The following PUS7L variants were observed in gnomAD, a reference collection of about 807,000 sequenced individuals.
The protein encoded by PUS7L is pseudouridylate synthase PUS7L.
In PUS7L, 49 loss-of-function variants were observed where a neutral mutation model predicts 51.1. That is an observed-to-expected ratio of 0.96 (90% CI 0.76 to 1.22). The LOEUF is 1.22. Ranked by LOEUF, PUS7L falls within the 50% of genes most tolerant of loss-of-function variation. The probability of loss-of-function intolerance (pLI) is 0.00; values close to 1 mark genes in which losing one functional copy is unlikely to be tolerated. For synonymous variants in PUS7L, 277 were observed against 276.2 expected, an observed-to-expected ratio of 1.00 and a Z score of -0.03; for missense variants, 828 against 820.6, an observed-to-expected ratio of 1.01 and a Z score of -0.11.
Position 43,729,263 on chromosome 12 carries a change from G to A in PUS7L, c.*1113C>T. 1 of 397,516 alleles carries A rather than the reference G, an allele frequency of 2.5e-6. No homozygotes were observed. The highest frequency in any genetic ancestry group is 4.4e-5 in the Admixed American group (1 of 22,682). The allele number at this position is 397,516 out of a possible 1,614,324, so 24.6% of individuals were successfully genotyped here. On this transcript the variant is annotated 3_prime_UTR_variant, in exon 9 of 9. Coordinates refer to ENST00000344862, the MANE Select transcript of PUS7L (RefSeq NM_031292.5). ...CATATAGCTTCTCTTCCTTCTTTTGGATTTTATTTCCTAATGCTAACATTT... is the reference window on the plus strand; with the variant it reads ...CATATAGCTTCTCTTCCTTCTTTTGAATTTTATTTCCTAATGCTAACATTT...
chr12:43,738,510 C>T (rs1445714277), intron 5 of PUS7L, 119 bp from the exon 6 acceptor site: 2 of 613,496 alleles, frequency 3.3e-6, no homozygotes, highest in Non-Finnish European at 5.7e-6. Context: ...ATACTTGATG[C>T]TGCAATTTTC....
rs1938600163 is a variant in PUS7L at position 43,754,535 on chromosome 12, T to C, written c.711A>G (p.Thr237=). 1 of 1,612,174 alleles carries C rather than the reference T, an allele frequency of 6.2e-7. No homozygotes were observed. The highest frequency in any genetic ancestry group is 8.5e-7 in the Non-Finnish European group (1 of 1,179,356). ...GGACAGCTTTTCTGTGGTCTTTGTT[T>C]GTATCAGGTTTAAAGGTAAATTTGG... The part of the protein sequence containing the change: ...ENSKFTFKPD[T]NKDHRKAVHH... Residue 237 remains threonine (T), a synonymous_variant, in exon 2 of 9, where the codon ACA becomes ACG. Transcript: ENST00000344862.
chr12:43,735,548 A>G (rs1944665712), intron 7 of PUS7L, among the ~76,000 whole-genome samples: 1 of 151,894 alleles, frequency 6.6e-6, no homozygotes, highest in Non-Finnish European at 1.5e-5. Context: ...ACCATTATAA[A>G]AATCATATTC....
chr12:43,735,904 G>A (rs1386923299), intron 7 of PUS7L, among the ~76,000 whole-genome samples: 1 of 152,114 alleles, frequency 6.6e-6, no homozygotes, highest in African/African-American at 2.4e-5. Flanking sequence ...AGCCTCCTGA[G>A]TAGCTGGGAT....
intron 2 of PUS7L, among the ~76,000 whole-genome samples, chr12:43,753,885 G>A (rs897771819): frequency 6.6e-6 from 1 of 151,978 alleles, no homozygotes; most frequent in African/African-American, 2.4e-5. Flanking sequence ...CCCTACCTTG[G>A]GTAGGGAAAT....
Position 43,746,128 on chromosome 12 carries a change from A to G in PUS7L, c.1181T>C (p.Ile394Thr). The G allele has an allele frequency of 6.6e-7, 1 of 1,511,826 alleles. No homozygotes were observed. The highest frequency in any genetic ancestry group is 9.2e-7 in the Non-Finnish European group (1 of 1,090,404). The allele number at this position is 1,511,826 out of a possible 1,614,324, so 93.7% of individuals were successfully genotyped here. A position where few individuals can be genotyped will look rare whatever the true frequency, so the allele number is the denominator to read the frequency against. The change falls in exon 4 of 9, where the codon ATT (isoleucine) becomes ACT (threonine). Residue 394 changes from isoleucine to threonine, a missense_variant. Transcript: ENST00000344862. ...TTGTTTTTTTAAATTTCTAATGACA[A>G]TATCAAAGTGATTTCCTTTGAGCTG... ...LGQLKGNHFD[I>T]VIRNLKKQIN...
Position 43,722,652 on chromosome 12 carries a change from T to C in PUS7L, c.*7724A>G, listed in dbSNP as rs1011727769. On this transcript the variant is annotated 3_prime_UTR_variant, in exon 9 of 9. Transcript: ENST00000344862. ...TTATAACCTATCATTCATTTTATTA[T>C]AATGGAATTATAAAGGTTATAGAAA... The C allele has an allele frequency of 3.3e-5, 5 of 152,300 alleles. No homozygotes were observed. Among genetic ancestry groups the C allele is most frequent in the East Asian group, 1.9e-4 (1 of 5,190 alleles). 9.4% of individuals were successfully genotyped at this position (152,300 alleles called of 1,614,324 possible). A position where few individuals can be genotyped will look rare whatever the true frequency, so the allele number is the denominator to read the frequency against.
Position 43,721,075 on chromosome 12 carries a change from T to C in PUS7L, c.*9301A>G, listed in dbSNP as rs946631082. 4 of 152,290 alleles carry C rather than the reference T, an allele frequency of 2.6e-5. No homozygotes were observed. Among genetic ancestry groups the C allele is most frequent in the African/African-American group, 9.6e-5 (4 of 41,564 alleles). 9.4% of individuals were successfully genotyped at this position (152,290 alleles called of 1,614,324 possible). A position where few individuals can be genotyped will look rare whatever the true frequency, so the allele number is the denominator to read the frequency against. On this transcript the variant is annotated 3_prime_UTR_variant, in exon 9 of 9. Transcript: ENST00000344862. ...GTGAATTTTCCCCAACTTTCCTTAA[T>C]GTCATAAAGTTTTAGAAATATGCAG...
At chr12:43,739,897 A>G (rs1937809269) in intron 5 of PUS7L, 1 of 152,188 alleles carries the variant, frequency 6.6e-6, no homozygotes, top group Admixed American at 6.5e-5. Flanking sequence ...CAATTGACAG[A>G]CAACCTAGAG....
chr12:43,748,580 T>A lies in PUS7L; in HGVS notation c.940A>T (p.Met314Leu), dbSNP rs533455494. The A allele has an allele frequency of 2.8e-5, 45 of 1,589,232 alleles. No homozygotes were observed. The highest frequency in any genetic ancestry group is 3.7e-5 in the Non-Finnish European group (43 of 1,174,030). ...GCTAAAAAACCAATCGCTTCAAACATTTCCAGGTTTTCCTTTCGTAGGGTA... is the reference window on the plus strand; with the variant it reads ...GCTAAAAAACCAATCGCTTCAAACAATTCCAGGTTTTCCTTTCGTAGGGTA... ...AFTLRKENLEMFEAIGFLAIK... is the reference protein window; with the variant it reads ...AFTLRKENLELFEAIGFLAIK... Residue 314 changes from methionine (M) to leucine (L), a missense_variant, in exon 3 of 9, where the codon ATG becomes TTG. Transcript: ENST00000344862.
Position 43,719,530 on chromosome 12 carries a change from A to G in PUS7L, c.*10846T>C, listed in dbSNP as rs914126588. On this transcript the variant is annotated 3_prime_UTR_variant, in exon 9 of 9. Coordinates refer to ENST00000344862, the MANE Select transcript of PUS7L (RefSeq NM_031292.5). The stretch of plus-strand genomic sequence containing the variant: ...TCTTTATTTTTTCTAATCTCAGGAA[A>G]GTTTGTGTAGACTTGAATTATTATT... The G allele has an allele frequency of 6.6e-6, 1 of 152,124 alleles. No homozygotes were observed. Among genetic ancestry groups the G allele is most frequent in the African/African-American group, 2.4e-5 (1 of 41,424 alleles). 9.4% of individuals were successfully genotyped at this position (152,124 alleles called of 1,614,324 possible).
At chr12:43,744,183 A>AAGTAGAATTT (rs1401530926) in intron 4 of PUS7L, among the ~76,000 whole-genome samples, 1 of 152,248 alleles carries the variant, frequency 6.6e-6, no homozygotes, top group African/African-American at 2.4e-5. Context: ...GAGGAAAAAA[A>AAGTAGAATTT]AGTAGAATTT....
rs376171402 is a variant in PUS7L at position 43,724,143 on chromosome 12, A to C, written c.*6233T>G. 1.3e-5 allele frequency: 2 copies of C among 152,106 alleles called. No homozygotes were observed. The highest frequency in any genetic ancestry group is 3.8e-4 in the East Asian group (2 of 5,202). The allele number at this position is 152,106 out of a possible 1,614,324, so 9.4% of individuals were successfully genotyped here. ...ACATTAATGTAAAAGACTTTGCATT[A>C]AATTATATAGAGTTTCATTTTCTTT... On this transcript the variant is annotated 3_prime_UTR_variant, in exon 9 of 9. Coordinates refer to ENST00000344862, the MANE Select transcript of PUS7L (RefSeq NM_031292.5).
At chr12:43,740,798 C>T (rs1293679331) in intron 5 of PUS7L, 1 of 152,214 alleles carries the variant, frequency 6.6e-6, no homozygotes, top group African/African-American at 2.4e-5. Context: ...TCTGTTGTCT[C>T]TCTCTCTCTC....
rs573099341 is a variant in PUS7L, at chr12:43,746,183, G to A, written c.1126C>T (p.Arg376Trp). 7 of 1,500,674 alleles carry A rather than the reference G, an allele frequency of 4.7e-6. No homozygotes were observed. Among genetic ancestry groups the A allele is most frequent in the African/African-American group, 2.8e-5 (2 of 71,382 alleles). 93.0% of individuals were successfully genotyped at this position (1,500,674 alleles called of 1,614,324 possible). The change falls in exon 4 of 9, where the codon CGG (arginine) becomes TGG (tryptophan). Residue 376 changes from arginine (R) to tryptophan (W), a missense_variant. Transcript: ENST00000344862. ...AGTCTCAGGGAATCATCTACAGACCGAATATTAAAGACATTCATTCTTTTC... is the reference window on the plus strand; with the variant it reads ...AGTCTCAGGGAATCATCTACAGACCAAATATTAAAGACATTCATTCTTTTC... ...EKKRMNVFNI[R>W]SVDDSLRLGQ...
chr12:43,727,087 G>A lies in PUS7L; in HGVS notation c.*3289C>T, dbSNP rs1944465176. The A allele has an allele frequency of 6.6e-6, 1 of 152,146 alleles. No individual in the cohort carries two copies. The highest frequency in any genetic ancestry group is 1.5e-5 in the Non-Finnish European group (1 of 68,010). The allele number at this position is 152,146 out of a possible 1,614,324, so 9.4% of individuals were successfully genotyped here. On this transcript the variant is annotated 3_prime_UTR_variant, in exon 9 of 9. Coordinates refer to ENST00000344862, the MANE Select transcript of PUS7L (RefSeq NM_031292.5). ...ATGGGCCAAAAGCATATGAAAAAAT[G>A]CTGAACATCACTAATCATTAGGGAA...
chr12:43,742,942 G>A (rs989213981), intron 4 of PUS7L, among the ~76,000 whole-genome samples: 11 of 152,164 alleles, frequency 7.2e-5, no homozygotes, highest in Admixed American at 6.5e-4. Context: ...CTCTTCGGCT[G>A]TCTGGAGATG....
At chr12:43,757,208 T>TC (rs1938776475) in intron 1 of PUS7L, among the ~76,000 whole-genome samples, 1 of 152,192 alleles carries the variant, frequency 6.6e-6, no homozygotes, top group Admixed American at 6.5e-5. Flanking sequence ...TCTCACTCTG[T>TC]CGTCCAGGCT....
At chr12:43,747,506 C>G (rs1370021473) in intron 3 of PUS7L, among the ~76,000 whole-genome samples, 1 of 151,898 alleles carries the variant, frequency 6.6e-6, no homozygotes, top group Non-Finnish European at 1.5e-5. Context: ...CCAGCCTGGC[C>G]AACATGGTGA....
Sources: allele counts gnomAD v4.1 joint callset (sites outside exome capture counted in the v4.1 genomes callset), GRCh38; gene constraint gnomAD v4.1.1; transcripts MANE v1.5; gene names NCBI Gene and HGNC (gene_info 2026-07-23, HGNC 2026-07-21).